The following BANK1 variants were observed in gnomAD, a reference collection of about 807,000 sequenced individuals.
BANK1 encodes the protein B cell scaffold protein with ankyrin repeats 1.
A neutral mutation model predicts 94.5 loss-of-function variants in BANK1; 95 were observed. That is an observed-to-expected ratio of 1.00 (90% CI 0.85 to 1.19). The LOEUF (loss-of-function observed/expected upper bound fraction) is 1.19. Ranked by LOEUF, BANK1 falls within the 50% of genes most tolerant of loss-of-function variation. BANK1 has a pLI of 0.00. For missense variants in BANK1, 987 were observed against 932.2 expected, an observed-to-expected ratio of 1.06 and a Z score of -0.77; for synonymous variants, 334 against 308.4, an observed-to-expected ratio of 1.08 and a Z score of -0.87.
At chr4:101,966,908 T>C (rs1031695135) in intron 7 of BANK1, among the ~76,000 whole-genome samples, 1 of 152,010 alleles carries the variant, frequency 6.6e-6, no homozygotes, top group South Asian at 2.1e-4. Flanking sequence ...TGACAAACTT[T>C]CTCTAAATCA....
At chr4:101,809,443 C>A (rs1413976230) in intron 1 of BANK1, among the ~76,000 whole-genome samples, 1 of 151,874 alleles carries the variant, frequency 6.6e-6, no homozygotes, top group Admixed American at 6.6e-5. Context: ...AAGAACTTCT[C>A]CATGTAACCA....
At chr4:101,926,320 A>G (rs769458172) in intron 7 of BANK1, among the ~76,000 whole-genome samples, 9 of 151,704 alleles carry the variant, frequency 5.9e-5, no homozygotes, top group Admixed American at 2.0e-4. Context: ...TTTGTGATAT[A>G]TATATAGATG....
chr4:102,043,942 C>A, intron 11 of BANK1, 35 bp downstream of exon 11: 1 of 1,299,342 alleles, frequency 7.7e-7, no homozygotes, highest in South Asian at 1.3e-5. Flanking sequence ...TTAGTAATCT[C>A]TAGGTAAAAT....
At chr4:101,972,434 G>A (rs1395461398) in intron 7 of BANK1, 1 of 151,950 alleles carries the variant, frequency 6.6e-6, no homozygotes, top group African/African-American at 2.4e-5. Flanking sequence ...TTACTCTAAA[G>A]ACCTTATTAT....
chr4:101,850,904 TC>T (rs1262538546), intron 2 of BANK1, among the ~76,000 whole-genome samples: 3 of 152,028 alleles, frequency 2.0e-5, no homozygotes, highest in Admixed American at 6.6e-5. Flanking sequence ...GACTGGGTAT[TC>T]CCCCATCTCT....
rs1560615242 is a variant in BANK1 at position 101,882,509 on chromosome 4, G to GTGGT, written c.903+11865_903+11866insTGGT. Among the ~76,000 whole-genome samples, 8 of 152,140 alleles carry GTGGT rather than the reference G, an allele frequency of 5.3e-5. No homozygotes were observed. The East Asian group carries it at 1.5e-3, about 29-fold the overall frequency. ...AAGGAAATATTTGCTATTCAAAAAG[G>GTGGT]CCTGAGATAGTACCACTCTTTCAAA... On this transcript the variant is annotated intron_variant, in intron 5 of 16. Transcript: ENST00000322953.
At chr4:101,836,357 G>A (rs1423609333) in intron 2 of BANK1, among the ~76,000 whole-genome samples, 1 of 152,066 alleles carries the variant, frequency 6.6e-6, no homozygotes, top group African/African-American at 2.4e-5. Context: ...GTGCACACCT[G>A]TAATCCCAGT....
intron 10 of BANK1, among the ~76,000 whole-genome samples, chr4:102,042,923 G>T (rs1018060180): frequency 2.0e-5 from 3 of 151,884 alleles, no homozygotes; most frequent in African/African-American, 7.3e-5. Flanking sequence ...AAGGCTTCTC[G>T]GTTTAAATCA....
intron 7 of BANK1, among the ~76,000 whole-genome samples, chr4:101,948,829 C>T (rs1724032569): frequency 6.6e-6 from 1 of 152,096 alleles, no homozygotes; most frequent in Admixed American, 6.6e-5. Context: ...CTGAACAGAG[C>T]TTTGCCATCC....
chr4:102,066,285 C>A (rs1012995353), intron 13 of BANK1, among the ~76,000 whole-genome samples: 1 of 148,156 alleles, frequency 6.7e-6, no homozygotes, highest in Non-Finnish European at 1.5e-5. Context: ...AAGACAGAGT[C>A]TCGCTCTGTC....
At chr4:101,995,107 C>T (rs962797924) in intron 7 of BANK1, among the ~76,000 whole-genome samples, 1 of 152,016 alleles carries the variant, frequency 6.6e-6, no homozygotes, top group Non-Finnish European at 1.5e-5. Context: ...TAACCCCCCA[C>T]CACCTGACAG....
At chr4:102,049,649 A>C (rs1461118219) in intron 11 of BANK1, among the ~76,000 whole-genome samples, 2 of 152,192 alleles carry the variant, frequency 1.3e-5, no homozygotes, top group African/African-American at 2.4e-5. Context: ...CAGGAATGTC[A>C]GACGACCACC....
intron 7 of BANK1, among the ~76,000 whole-genome samples, chr4:101,939,925 A>C (rs1301451525): frequency 6.6e-6 from 1 of 151,812 alleles, no homozygotes; most frequent in Non-Finnish European, 1.5e-5. Context: ...CTGACAAGTT[A>C]GCTTTTCTGG....
intron 7 of BANK1, among the ~76,000 whole-genome samples, chr4:101,963,565 A>G (rs967624783): frequency 1.3e-5 from 2 of 152,040 alleles, no homozygotes; most frequent in Non-Finnish European, 2.9e-5. Flanking sequence ...TGCCTGTTTA[A>G]TTTTAGATTA....
intron 10 of BANK1, chr4:102,036,685 T>A (rs1163515820): frequency 2.0e-5 from 3 of 152,238 alleles, no homozygotes; most frequent in African/African-American, 7.2e-5. Context: ...TTCTGACCTG[T>A]GTTCATACTG....
At chr4:101,967,334 G>T (rs748590782) in intron 7 of BANK1, among the ~76,000 whole-genome samples, 6 of 151,968 alleles carry the variant, frequency 3.9e-5, no homozygotes, top group Non-Finnish European at 8.8e-5. Context: ...AAAAAATTTA[G>T]ATCCAGGATT....
chr4:101,910,434 C>T (rs897239195), intron 6 of BANK1, among the ~76,000 whole-genome samples: 20 of 151,950 alleles, frequency 1.3e-4, no homozygotes, highest in African/African-American at 4.6e-4. Context: ...GTAATCCCAG[C>T]ACTTTGGGAG....
chr4:101,957,677 C>A (rs1401774060), intron 7 of BANK1, among the ~76,000 whole-genome samples: 1 of 152,094 alleles, frequency 6.6e-6, no homozygotes, highest in East Asian at 1.9e-4. Flanking sequence ...GAGAAAAAGT[C>A]TTGAATTTTA....
chr4:101,908,129 G>T (rs1456625524), intron 6 of BANK1, among the ~76,000 whole-genome samples: 1 of 152,170 alleles, frequency 6.6e-6, no homozygotes, highest in African/African-American at 2.4e-5. Flanking sequence ...CAAAGCCGGA[G>T]GCATCACACT....
Sources: gnomAD v4.1 joint callset for allele counts (sites outside exome capture counted in the v4.1 genomes callset) on GRCh38, gnomAD v4.1.1 for gene constraint, MANE v1.5 for transcripts, NCBI Gene and HGNC (gene_info 2026-07-23, HGNC 2026-07-21) for gene names.